The following ANK1 variants were observed in gnomAD, a reference collection of about 807,000 sequenced individuals.
ANK1 encodes the protein ankyrin-1.
ANK1 carries 51 observed loss-of-function variants against 210.4 expected under a neutral mutation model. The ratio of observed to expected loss-of-function variants is 0.24; its 90% confidence interval spans 0.19 to 0.31. The LOEUF (loss-of-function observed/expected upper bound fraction) is 0.31, where lower values mean the gene tolerates loss of function less well. ANK1 is among the 10% of genes least tolerant of loss of function. The pLI, the probability that ANK1 is intolerant of heterozygous loss-of-function variation, is 1.00. For missense variants in ANK1, 2,051 were observed against 2,504.4 expected (o/e 0.82, Z 3.86); for synonymous variants, 967 against 1,025.9 (o/e 0.94, Z 1.10).
chr8:41,789,129 G>A (rs1472866681), intron 1 of ANK1: 1 of 152,216 alleles, frequency 6.6e-6, no homozygotes, highest in African/African-American at 2.4e-5. Context: ...CCATGGTATT[G>A]TTCGAATGCA....
intron 22 of ANK1, among the ~76,000 whole-genome samples, chr8:41,700,922 C>A (rs893261987): frequency 2.0e-5 from 3 of 152,044 alleles, no homozygotes; most frequent in Non-Finnish European, 4.4e-5. Context: ...ACCACCACAC[C>A]CTGCTAATTT....
intron 1 of ANK1, among the ~76,000 whole-genome samples, chr8:41,806,420 T>G (rs1046938622): frequency 2.6e-5 from 4 of 152,070 alleles, no homozygotes; most frequent in Non-Finnish European, 5.9e-5. Flanking sequence ...AAAGATAATA[T>G]AAAAGCAGCA....
At chr8:41,793,916 C>G (rs1234936459) in intron 1 of ANK1, among the ~76,000 whole-genome samples, 4 of 152,132 alleles carry the variant, frequency 2.6e-5, no homozygotes. Context: ...TATTAATACC[C>G]AGGTATAGCC....
chr8:41,665,325 C>G (rs117222764), intron 39 of ANK1: 2 of 1,345,954 alleles, frequency 1.5e-6, no homozygotes, highest in African/African-American at 2.9e-5. Context: ...AACCAGCTGC[C>G]GGAGCTGTCC....
Position 41,696,783 on chromosome 8 carries a change from G to A in ANK1, c.2638-10C>T. ...CATACTCTTTAGATGCCTGAGGAGA[G>A]AGAAAGGGTCCTCCTGTCCCACCTC... On this transcript the variant is annotated splice_polypyrimidine_tract_variant and intron_variant, in intron 24 of 42. Transcript: ENST00000289734. 6.3e-7 allele frequency: 1 copy of A among 1,597,076 alleles called. No individual in the cohort carries two copies. Among genetic ancestry groups the A allele is most frequent in the Non-Finnish European group, 8.5e-7 (1 of 1,177,866 alleles).
At chr8:41,852,468 C>T (rs905307368) in intron 1 of ANK1, among the ~76,000 whole-genome samples, 1 of 152,202 alleles carries the variant, frequency 6.6e-6, no homozygotes, top group African/African-American at 2.4e-5. Context: ...GAGAGGAGCA[C>T]AGCACAGAGT....
At chr8:41,801,179 C>T (rs927150056), upstream of ANK1, among the ~76,000 whole-genome samples, 3 of 152,072 alleles carry the variant, frequency 2.0e-5, no homozygotes, top group African/African-American at 4.8e-5. Context: ...GACCCCATCA[C>T]GATTCACTGC....
At chr8:41,797,837 A>G (rs1311467694), upstream of ANK1, among the ~76,000 whole-genome samples, 3 of 151,954 alleles carry the variant, frequency 2.0e-5, no homozygotes, top group African/African-American at 7.2e-5. The surrounding 1 kb of genome is among the most constrained non-coding windows in gnomAD (Gnocchi z 4.0). Flanking sequence ...GGTCGAGAGC[A>G]GCCGGGGAGA....
At chr8:41,740,918 T>C (rs890782202) in intron 2 of ANK1, among the ~76,000 whole-genome samples, 6 of 152,134 alleles carry the variant, frequency 3.9e-5, no homozygotes, top group Admixed American at 3.3e-4. Flanking sequence ...CTCTTACAGG[T>C]AGGCTGGGCT....
intron 1 of ANK1, among the ~76,000 whole-genome samples, chr8:41,790,305 C>T (rs1313707647): frequency 6.6e-6 from 1 of 152,132 alleles, no homozygotes; most frequent in Non-Finnish European, 1.5e-5. Flanking sequence ...CACTACCATG[C>T]CCAGCGAATT....
At chr8:41,690,908 A>AAACAAC (rs201607805) in intron 31 of ANK1, among the ~76,000 whole-genome samples, 2 of 152,118 alleles carry the variant, frequency 1.3e-5, no homozygotes, top group African/African-American at 4.8e-5. Context: ...TAGCTTCTGA[A>AAACAAC]AACAACAACA....
chr8:41,704,124 G>A lies in ANK1; in HGVS notation c.2212C>T (p.Leu738=), dbSNP rs1476482357. The A allele has an allele frequency of 2.5e-6, 4 of 1,613,950 alleles. No individual in the cohort carries two copies. Among genetic ancestry groups the A allele is most frequent in the Non-Finnish European group, 1.7e-6 (2 of 1,179,982 alleles). Residue 738 remains leucine (L), a synonymous_variant, in exon 20 of 43, where the codon CTG becomes TTG. Coordinates refer to ENST00000289734, the MANE Select transcript of ANK1 (RefSeq NM_000037.4). The surrounding 1 kb of genome is among the most constrained non-coding windows in gnomAD (Gnocchi z 4.1). ...NAKTKLGYSP[L]HQAAQQGHTD... Reference sequence around the variant, plus strand: ...TGTCCCTGCTGGGCTGCCTGGTGCAGGGGGCTGTATCCTAGCTGCAAAGTG... The same window carrying A: ...TGTCCCTGCTGGGCTGCCTGGTGCAAGGGGCTGTATCCTAGCTGCAAAGTG...
At position 41,866,401 on chromosome 8, in the gene ANK1, C is replaced by T. The variant is rs538842208; in HGVS notation, c.126+29954G>A. ...TAGAGACAGGGTCCCACTGTGTTGC[C>T]CAGGCTGGTCTTGAATTCCTGGCCT... On this transcript the variant is annotated intron_variant, in intron 1 of 42. Coordinates refer to the ANK1 transcript ENST00000265709. 8.7e-4 allele frequency among the ~76,000 whole-genome samples: 132 copies of T among 152,230 alleles called. 3 individuals are homozygous for T. The South Asian group carries it at 0.02, about 23-fold the overall frequency.
At chr8:41,821,360 G>A (rs926803451) in intron 1 of ANK1, among the ~76,000 whole-genome samples, 1 of 152,068 alleles carries the variant, frequency 6.6e-6, no homozygotes, top group Non-Finnish European at 1.5e-5. Context: ...TGGCACTTAG[G>A]GAGTACTTTG....
chr8:41,859,467 G>A (rs879401492), intron 1 of ANK1, among the ~76,000 whole-genome samples: 5 of 152,088 alleles, frequency 3.3e-5, no homozygotes, highest in African/African-American at 4.8e-5. Flanking sequence ...TTGCTTCAGC[G>A]TCTTGAGTAG....
chr8:41,793,238 C>T (rs113980407), intron 1 of ANK1, among the ~76,000 whole-genome samples: 7,542 of 152,094 alleles, frequency 0.05, 593 homozygotes, highest in African/African-American at 0.16. Context: ...ATTAGCTGAA[C>T]GTGGAGGTGC....
chr8:41,711,870 G>C (rs10088944), intron 16 of ANK1, among the ~76,000 whole-genome samples: 1 of 152,016 alleles, frequency 6.6e-6, no homozygotes, highest in African/African-American at 2.4e-5. Context: ...ACCTCCAAAA[G>C]ACTTTATGGA....
At chr8:41,768,460 TTA>T (rs1182698786) in intron 1 of ANK1, among the ~76,000 whole-genome samples, 1 of 152,218 alleles carries the variant, frequency 6.6e-6, no homozygotes, top group Non-Finnish European at 1.5e-5. Flanking sequence ...ACATACTGCA[TTA>T]TCTCATTTAA....
chr8:41,841,262 A>G lies in ANK1; in HGVS notation c.126+55093T>C, dbSNP rs74303397. On this transcript the variant is annotated intron_variant, in intron 1 of 42. Transcript: ENST00000265709. The stretch of plus-strand genomic sequence containing the variant: ...CTACTGGGAACTTGGAGGACATTAC[A>G]CTTAGTGAAATAAGCCAGGCCTACA... 4.7e-3 allele frequency among the ~76,000 whole-genome samples: 716 copies of G among 152,360 alleles called. 5 individuals are homozygous for G. Among genetic ancestry groups the G allele is most frequent in the East Asian group, 0.028 (146 of 5,192 alleles).
Sources: gnomAD v4.1 joint callset for allele counts (sites outside exome capture counted in the v4.1 genomes callset) on GRCh38, gnomAD v4.1.1 for gene constraint, Gnocchi (gnomAD v3.1) non-coding constraint, MANE v1.5 for transcripts, NCBI Gene and HGNC (gene_info 2026-07-23, HGNC 2026-07-21) for gene names.